ANKS1B: variants seen among roughly 807,000 people sequenced by gnomAD.
The protein encoded by ANKS1B is ankyrin repeat and sterile alpha motif domain-containing protein 1B.
ANKS1B carries 36 observed loss-of-function variants against 148.3 expected under a neutral mutation model. The observed-to-expected ratio is 0.24, with a 90% CI of 0.19 to 0.32. The LOEUF is 0.32. Ranked by LOEUF, ANKS1B falls within the 10% of genes least tolerant of loss-of-function variation. ANKS1B has a pLI of 1.00. For synonymous variants in ANKS1B, 542 were observed against 560.8 expected, an observed-to-expected ratio of 0.97 and a Z score of 0.47; for missense variants, 1,157 against 1,542.6, an observed-to-expected ratio of 0.75 and a Z score of 4.19.
intron 1 of ANKS1B, among the ~76,000 whole-genome samples, chr12:99,833,489 G>A (rs1162158622): frequency 6.6e-6 from 1 of 152,142 alleles, no homozygotes; most frequent in Non-Finnish European, 1.5e-5. Flanking sequence ...ATGGGAGATG[G>A]TATCCATATG....
At chr12:99,464,382 C>T (rs1458652631) in intron 10 of ANKS1B, among the ~76,000 whole-genome samples, 1 of 152,196 alleles carries the variant, frequency 6.6e-6, no homozygotes, top group African/African-American at 2.4e-5. Context: ...AAAAGCAGAG[C>T]ACCTCTCCTC....
chr12:99,481,876 G>C (rs532903668), intron 10 of ANKS1B, among the ~76,000 whole-genome samples: 1 of 151,394 alleles, frequency 6.6e-6, no homozygotes, highest in African/African-American at 2.4e-5. Flanking sequence ...AATTATTTGC[G>C]GGTTTTTTGT....
At chr12:99,834,032 C>T (rs888211757) in intron 1 of ANKS1B, among the ~76,000 whole-genome samples, 5 of 151,988 alleles carry the variant, frequency 3.3e-5, no homozygotes, top group African/African-American at 4.8e-5. Context: ...GAACATCCAC[C>T]GACACATCTG....
At chr12:98,991,816 C>T (rs980080812) in intron 17 of ANKS1B, among the ~76,000 whole-genome samples, 5 of 152,178 alleles carry the variant, frequency 3.3e-5, no homozygotes, top group South Asian at 2.1e-4. Context: ...AAACACTCAT[C>T]TTTACTGGCT....
intron 17 of ANKS1B, among the ~76,000 whole-genome samples, chr12:98,946,376 T>C (rs983519467): frequency 6.6e-6 from 1 of 152,240 alleles, no homozygotes; most frequent in East Asian, 1.9e-4. Context: ...TGTTTAATCC[T>C]GTTTGAGTTG....
At chr12:99,353,808 A>C (rs2091700377) in intron 12 of ANKS1B, among the ~76,000 whole-genome samples, 2 of 151,762 alleles carry the variant, frequency 1.3e-5, no homozygotes. Context: ...GAAAGGATGG[A>C]ATTTCTGTGT....
chr12:99,935,401 C>T (rs1329976023), intron 1 of ANKS1B, among the ~76,000 whole-genome samples: 3 of 151,408 alleles, frequency 2.0e-5, no homozygotes, highest in Non-Finnish European at 4.4e-5. Context: ...AAAGAACGCA[C>T]ATTTACCATC....
At chr12:99,494,427 G>A (rs1413433388) in intron 10 of ANKS1B, among the ~76,000 whole-genome samples, 3 of 152,034 alleles carry the variant, frequency 2.0e-5, no homozygotes, top group Admixed American at 1.3e-4. Flanking sequence ...CTTTTCAAAC[G>A]ATAAAGACCC....
chr12:99,164,778 T>C (rs2077038725), intron 14 of ANKS1B, among the ~76,000 whole-genome samples: 1 of 152,110 alleles, frequency 6.6e-6, no homozygotes, highest in Non-Finnish European at 1.5e-5. Context: ...AATCATTTAG[T>C]AAACATTTTC....
intron 9 of ANKS1B, among the ~76,000 whole-genome samples, chr12:99,609,488 A>C (rs1008342720): frequency 1.3e-5 from 2 of 151,868 alleles, no homozygotes; most frequent in African/African-American, 4.8e-5. Context: ...TTGCTACCAC[A>C]GGACCAAGCA....
At chr12:99,579,054 A>G (rs2097545429) in intron 9 of ANKS1B, among the ~76,000 whole-genome samples, 1 of 152,112 alleles carries the variant, frequency 6.6e-6, no homozygotes, top group Admixed American at 6.6e-5. Context: ...GCACACCTAA[A>G]ACCAACTGAT....
chr12:99,762,069 C>T (rs765734568), intron 8 of ANKS1B, among the ~76,000 whole-genome samples: 1 of 152,012 alleles, frequency 6.6e-6, no homozygotes, highest in African/African-American at 2.4e-5. Context: ...AATGGAAAAA[C>T]ATGCCATGTT....
chr12:99,644,183 T>C (rs570820513), intron 9 of ANKS1B, among the ~76,000 whole-genome samples: 1 of 152,322 alleles, frequency 6.6e-6, no homozygotes, highest in Admixed American at 6.5e-5. Context: ...AACCATAGAA[T>C]ATAATTCCTC....
At chr12:98,760,958 A>G (rs1183329083) in intron 25 of ANKS1B, among the ~76,000 whole-genome samples, 1 of 152,232 alleles carries the variant, frequency 6.6e-6, no homozygotes, top group East Asian at 1.9e-4. Flanking sequence ...GGCAGCAGCA[A>G]CTACACATGA....
chr12:99,500,003 T>C (rs971742215), intron 10 of ANKS1B, among the ~76,000 whole-genome samples: 8 of 151,672 alleles, frequency 5.3e-5, no homozygotes, highest in Non-Finnish European at 1.0e-4. Context: ...AGGATGGATT[T>C]GTGGAAGCCT....
intron 8 of ANKS1B, among the ~76,000 whole-genome samples, chr12:99,732,940 T>C (rs1339272189): frequency 6.6e-6 from 1 of 152,170 alleles, no homozygotes; most frequent in Non-Finnish European, 1.5e-5. Flanking sequence ...CCAACATTTA[T>C]CTTAAGCCAG....
intron 17 of ANKS1B, among the ~76,000 whole-genome samples, chr12:98,924,632 T>C (rs2152927414): frequency 6.6e-6 from 1 of 152,300 alleles, no homozygotes; most frequent in African/African-American, 2.4e-5. Context: ...GTGGAACTGA[T>C]ACCGTTAGTT....
intron 1 of ANKS1B, among the ~76,000 whole-genome samples, chr12:99,926,450 A>C (rs1211663491): frequency 6.6e-6 from 1 of 152,218 alleles, no homozygotes; most frequent in African/African-American, 2.4e-5. Flanking sequence ...CTTGAATAAG[A>C]AAAAATTCTT....
intron 1 of ANKS1B, among the ~76,000 whole-genome samples, chr12:99,830,416 CA>C (rs150229976): frequency 0.011 from 1,679 of 151,930 alleles, 41 homozygotes; most frequent in African/African-American, 0.038. Flanking sequence ...ACGGAAAACT[CA>C]ACTAAAAGTT....
Sources: gnomAD v4.1 joint callset for allele counts (sites outside exome capture counted in the v4.1 genomes callset) on GRCh38, gnomAD v4.1.1 for gene constraint, MANE v1.5 for transcripts, NCBI Gene and HGNC (gene_info 2026-07-23, HGNC 2026-07-21) for gene names.